Variants in PHKB observed in about 807,000 individuals in gnomAD.
The protein encoded by PHKB is phosphorylase b kinase regulatory subunit beta.
PHKB carries 122 observed loss-of-function variants against 152.1 expected under a neutral mutation model. The ratio of observed to expected loss-of-function variants is 0.80; its 90% confidence interval spans 0.69 to 0.93. PHKB has a LOEUF of 0.93. PHKB is among the 40% of genes least tolerant of loss of function. The pLI is 0.00. For missense variants in PHKB, 1,304 were observed against 1,328.4 expected, an observed-to-expected ratio of 0.98 and a Z score of 0.29; for synonymous variants, 436 against 464.9, an observed-to-expected ratio of 0.94 and a Z score of 0.80.
chr16:47,494,461 A>G (rs1970200253), intron 1 of PHKB, among the ~76,000 whole-genome samples: 1 of 152,202 alleles, frequency 6.6e-6, no homozygotes. Context: ...TAAGGCAGCT[A>G]GTCAGGAACA....
chr16:47,681,932 T>C (rs1486553399), intron 26 of PHKB, among the ~76,000 whole-genome samples: 3 of 152,252 alleles, frequency 2.0e-5, no homozygotes, highest in Non-Finnish European at 4.4e-5. Flanking sequence ...CCATGTTTAG[T>C]GCTTCCTTCA....
At chr16:47,649,031 C>A in intron 17 of PHKB, 69 bp from the exon 18 acceptor site, 1 of 838,456 alleles carries the variant, frequency 1.2e-6, no homozygotes, top group Non-Finnish European at 2.1e-6. Context: ...TTTATTGAGA[C>A]TTACAGCACT....
At chr16:47,692,672 T>C (rs1974082647) in intron 27 of PHKB, among the ~76,000 whole-genome samples, 1 of 152,128 alleles carries the variant, frequency 6.6e-6, no homozygotes, top group African/African-American at 2.4e-5. Flanking sequence ...TCTTCAACTT[T>C]TGCAAGAATA....
chr16:47,648,539 T>C lies in PHKB; in HGVS notation c.1615T>C (p.Leu539=), dbSNP rs759986358. 3.1e-6 allele frequency: 5 copies of C among 1,611,024 alleles called. No homozygotes were observed. In the African/African-American group the frequency reaches 4.0e-5, roughly 13 times the overall value. Residue 539 remains leucine, a synonymous_variant, in exon 17 of 31, where the codon TTG becomes CTG. Transcript: ENST00000323584. Reference sequence around the variant, plus strand: ...ACAAACTTGTGTCTTACAGGCTTATTTGCAGCTGGGTATCAATGAAAAGTT... The same window carrying C: ...ACAAACTTGTGTCTTACAGGCTTATCTGCAGCTGGGTATCAATGAAAAGTT... ...WPQQELVKAY[L]QLGINEKLGL...
chr16:47,626,736 T>C (rs1444268702), intron 14 of PHKB, among the ~76,000 whole-genome samples: 1 of 152,156 alleles, frequency 6.6e-6, no homozygotes, highest in Non-Finnish European at 1.5e-5. Context: ...ATCCATCAAG[T>C]GGATTATGAT....
intron 16 of PHKB, among the ~76,000 whole-genome samples, chr16:47,644,557 C>A (rs745703060): frequency 6.6e-6 from 1 of 152,232 alleles, no homozygotes; most frequent in South Asian, 2.1e-4. Context: ...TATTTGAAAT[C>A]GGTCCAAATC....
chr16:47,491,961 T>C (rs1481352231), intron 1 of PHKB, among the ~76,000 whole-genome samples: 1 of 152,212 alleles, frequency 6.6e-6, no homozygotes, highest in African/African-American at 2.4e-5. Flanking sequence ...AATTTCTTAA[T>C]ACCTGACTTT....
chr16:47,529,591 C>A (rs1970826623), intron 6 of PHKB: 1 of 152,090 alleles, frequency 6.6e-6, no homozygotes, highest in South Asian at 2.1e-4. Flanking sequence ...CGTGATCCGC[C>A]CACCTTGCCT....
chr16:47,642,104 A>C (rs897633355), intron 16 of PHKB, among the ~76,000 whole-genome samples: 1 of 150,894 alleles, frequency 6.6e-6, no homozygotes, highest in Admixed American at 6.6e-5. Context: ...TTTATCTTTG[A>C]TTTTTTCGCC....
chr16:47,594,629 TC>T (rs1371858092), intron 12 of PHKB, among the ~76,000 whole-genome samples: 1 of 152,206 alleles, frequency 6.6e-6, no homozygotes, highest in East Asian at 1.9e-4. Flanking sequence ...TGGAGTTTTT[TC>T]TGGGGTCCTT....
At chr16:47,590,070 G>A (rs367757289) in intron 10 of PHKB, among the ~76,000 whole-genome samples, 10 of 152,154 alleles carry the variant, frequency 6.6e-5, no homozygotes, top group East Asian at 3.9e-4. Flanking sequence ...GATTACAAGC[G>A]TGAGCCACTG....
intron 8 of PHKB, among the ~76,000 whole-genome samples, chr16:47,583,366 A>G (rs960104044): frequency 6.6e-6 from 1 of 152,224 alleles, no homozygotes; most frequent in Non-Finnish European, 1.5e-5. Flanking sequence ...ATGTCATTGT[A>G]TATACTTAAA....
chr16:47,569,795 T>C (rs903750282), intron 7 of PHKB, among the ~76,000 whole-genome samples: 1 of 152,144 alleles, frequency 6.6e-6, no homozygotes, highest in African/African-American at 2.4e-5. Flanking sequence ...CTAATTTTTG[T>C]ATTTTTAGTA....
intron 14 of PHKB, among the ~76,000 whole-genome samples, chr16:47,628,733 G>A (rs959824103): frequency 1.3e-4 from 20 of 151,814 alleles, no homozygotes; most frequent in African/African-American, 4.8e-4. Flanking sequence ...TAAGCCAAAA[G>A]AACAAAGCTG....
intron 10 of PHKB, among the ~76,000 whole-genome samples, chr16:47,593,153 AAAG>A (rs1339273371): frequency 2.1e-5 from 3 of 144,354 alleles, no homozygotes; most frequent in East Asian, 2.0e-4. Context: ...AAGGAAGGAG[AAAG>A]AAGAAAGGGA....
In PHKB at chr16:47,511,731, G is replaced by A. The variant is rs1291446374; in HGVS notation, c.472G>A (p.Gly158Arg). Residue 158 changes from glycine to arginine, a missense_variant, in exon 5 of 31, where the codon GGA becomes AGA. By Grantham distance (125) the Gly-to-Arg change is moderately radical. Coordinates refer to ENST00000323584, the MANE Select transcript of PHKB (RefSeq NM_000293.3). Reference sequence around the variant, plus strand: ...TCACTCTGTTTTCAATGTGCATACAGGAGATGAGTTGCTTTCCTATGAGGA... The same window carrying A: ...TCACTCTGTTTTCAATGTGCATACAAGAGATGAGTTGCTTTCCTATGAGGA... Reference protein sequence around the residue: ...CLHSVFNVHTGDELLSYEEYG... With the variant: ...CLHSVFNVHTRDELLSYEEYG... The A allele has an allele frequency of 3.7e-6, 6 of 1,612,018 alleles. No individual in the cohort carries two copies. In the East Asian group the frequency reaches 1.1e-4, roughly 30 times the overall value.
Position 47,511,679 on chromosome 16 carries a change from G to C in PHKB, c.420G>C (p.Lys140Asn). ...TTTCATTCTAGGTCCAGCAGTTTAA[G>C]CAGGATCCACGCCCAACAACATGTC... is the stretch of plus-strand genomic sequence containing the variant. ...MRQADKVQQFKQDPRPTTCLH... is the reference protein window; with the variant it reads ...MRQADKVQQFNQDPRPTTCLH... Residue 140 changes from lysine to asparagine, a missense_variant, in exon 5 of 31, where the codon AAG becomes AAC. Transcript: ENST00000323584. 1 of 1,610,766 alleles carries C rather than the reference G, an allele frequency of 6.2e-7. No individual in the cohort carries two copies.
At chr16:47,565,148 G>C (rs754082097) in intron 7 of PHKB, 3 of 544,264 alleles carry the variant, frequency 5.5e-6, no homozygotes, top group Non-Finnish European at 1.1e-5. Context: ...ATACTTGCTT[G>C]CAGAACTGAA....
At chr16:47,610,275 C>T (rs1380812894) in intron 13 of PHKB, among the ~76,000 whole-genome samples, 2 of 149,724 alleles carry the variant, frequency 1.3e-5, no homozygotes, top group Non-Finnish European at 2.9e-5. Flanking sequence ...TCCCAAAGTG[C>T]TGGGATTACA....
Sources: gnomAD v4.1 joint callset for allele counts (sites outside exome capture counted in the v4.1 genomes callset) on GRCh38, gnomAD v4.1.1 for gene constraint, MANE v1.5 for transcripts, NCBI Gene and HGNC (gene_info 2026-07-23, HGNC 2026-07-21) for gene names.